ALKBH1: variants seen among roughly 807,000 people sequenced by gnomAD.
ALKBH1 encodes the protein nucleic acid dioxygenase ALKBH1.
A neutral mutation model predicts 36.6 loss-of-function variants in ALKBH1; 31 were observed. That is an observed-to-expected ratio of 0.85 (90% CI 0.64 to 1.14). The LOEUF (loss-of-function observed/expected upper bound fraction) is 1.14, where lower values mean the gene tolerates loss of function less well. Ranked by LOEUF, ALKBH1 falls within the 50% of genes most tolerant of loss-of-function variation. The probability of loss-of-function intolerance (pLI) is 0.00; values close to 1 mark genes in which losing one functional copy is unlikely to be tolerated. For synonymous variants in ALKBH1, 183 were observed against 186.6 expected (o/e 0.98, Z 0.16); for missense variants, 490 against 497.3 (o/e 0.99, Z 0.14).
chr14:77,683,410 T>A, intron 3 of ALKBH1: 1 of 775,284 alleles, frequency 1.3e-6, no homozygotes, highest in Non-Finnish European at 2.3e-6. Context: ...AATGCGCACA[T>A]TAATTCTCTT....
intron 3 of ALKBH1, among the ~76,000 whole-genome samples, chr14:77,680,677 C>CTCTTTTTTTTTTTTTTT (rs774703181): frequency 1.6e-5 from 2 of 124,348 alleles, no homozygotes; most frequent in African/African-American, 3.2e-5. Flanking sequence ...ATTAACTACT[C>CTCTTTTTTTTTTTTTTT]TTTTTTTTTT....
In ALKBH1 at chr14:77,679,793, T is replaced by C. The variant is rs530690876; in HGVS notation, c.546+87A>G. 9.0e-6 allele frequency: 9 copies of C among 1,005,332 alleles called. No individual in the cohort carries two copies. In the Admixed American group the frequency reaches 1.3e-4, roughly 14 times the overall value. The allele number at this position is 1,005,332 out of a possible 1,614,324, so 62.3% of individuals were successfully genotyped here. On this transcript the variant is annotated intron_variant, in intron 4 of 5. Coordinates refer to ENST00000216489, the MANE Select transcript of ALKBH1 (RefSeq NM_006020.3). ...CTCCCACAAATGTATAATCTTGATA[T>C]CTTAAGCGTGGTTAGGAAGAAATAC... is the stretch of plus-strand genomic sequence containing the variant.
rs777778397 is a variant in ALKBH1, at chr14:77,679,865, A to C, written c.546+15T>G. ...CTATAAACAGAAAACAAAAGAATTA[A>C]GAAAACCTGAATACCTTACTGTCCC... On this transcript the variant is annotated intron_variant, in intron 4 of 5. Transcript: ENST00000216489. 12 of 1,606,790 alleles carry C rather than the reference A, an allele frequency of 7.5e-6. No homozygotes were observed. In the South Asian group the frequency reaches 1.3e-4, roughly 18 times the overall value.
At chr14:77,692,665 C>T (rs1458221323) in intron 3 of ALKBH1, among the ~76,000 whole-genome samples, 1 of 152,002 alleles carries the variant, frequency 6.6e-6, no homozygotes, top group Non-Finnish European at 1.5e-5. Flanking sequence ...CACCTCTCCT[C>T]CTTCATGTTT....
At chr14:77,694,380 C>T (rs1223705105) in intron 3 of ALKBH1, among the ~76,000 whole-genome samples, 1 of 152,136 alleles carries the variant, frequency 6.6e-6, no homozygotes, top group East Asian at 1.9e-4. Flanking sequence ...AAGCAAAGAG[C>T]TTTCGATGTT....
At chr14:77,683,165 T>G (rs1313584588) in intron 3 of ALKBH1, 8 of 526,902 alleles carry the variant, frequency 1.5e-5, no homozygotes, top group Non-Finnish European at 2.4e-5. Flanking sequence ...TTTTTTTTTT[T>G]TTTTTTACAA....
At chr14:77,691,880 T>TA (rs1363599159) in intron 3 of ALKBH1, 7 of 152,174 alleles carry the variant, frequency 4.6e-5, no homozygotes, top group African/African-American at 1.4e-4. Flanking sequence ...GGACTAATTT[T>TA]ACTTAACCAC....
intron 4 of ALKBH1, among the ~76,000 whole-genome samples, 198 bp downstream of exon 4, chr14:77,679,682 C>G (rs1305821770): frequency 6.6e-6 from 1 of 152,210 alleles, no homozygotes. Flanking sequence ...CCGCCCACCT[C>G]AGCCTCCCAA....
Position 77,676,555 on chromosome 14 carries a change from A to G in ALKBH1, c.547-706T>C, listed in dbSNP as rs562466308. 2.6e-5 allele frequency among the ~76,000 whole-genome samples: 4 copies of G among 152,350 alleles called. No individual in the cohort carries two copies. The South Asian group carries it at 8.3e-4, about 32-fold the overall frequency. Reference sequence around the variant, plus strand: ...TCCTGGATAAGATCCTGGATATTAGAAAATTAGATATAAGAACAAAGATAT... The same window carrying G: ...TCCTGGATAAGATCCTGGATATTAGGAAATTAGATATAAGAACAAAGATAT... On this transcript the variant is annotated intron_variant, in intron 4 of 5. Coordinates refer to ENST00000216489, the MANE Select transcript of ALKBH1 (RefSeq NM_006020.3).
intron 3 of ALKBH1, among the ~76,000 whole-genome samples, chr14:77,680,275 C>G (rs1595048641): frequency 6.6e-6 from 1 of 152,276 alleles, no homozygotes; most frequent in East Asian, 1.9e-4. Context: ...AGAGAAATGT[C>G]TTTACCTGTC....
chr14:77,702,041 G>A (rs1198842578), intron 2 of ALKBH1, among the ~76,000 whole-genome samples: 1 of 152,218 alleles, frequency 6.6e-6, no homozygotes, highest in African/African-American at 2.4e-5. Context: ...GCTCACGCCT[G>A]TAATCCCAGC....
chr14:77,690,881 A>C (rs1264269319), intron 3 of ALKBH1, among the ~76,000 whole-genome samples: 1 of 151,426 alleles, frequency 6.6e-6, no homozygotes, highest in Non-Finnish European at 1.5e-5. Flanking sequence ...GGCTCACCGC[A>C]ACCTCCGCCT....
At chr14:77,696,035 T>A (rs1460788644) in intron 2 of ALKBH1, among the ~76,000 whole-genome samples, 3 of 152,210 alleles carry the variant, frequency 2.0e-5, no homozygotes, top group African/African-American at 7.2e-5. Context: ...GAGGTTGTAG[T>A]GAGCCAAGAT....
chr14:77,681,348 C>T (rs1469291821), intron 3 of ALKBH1, among the ~76,000 whole-genome samples: 1 of 152,110 alleles, frequency 6.6e-6, no homozygotes, highest in East Asian at 1.9e-4. Flanking sequence ...GGGAGTTGAG[C>T]ACGGCACTGA....
intron 1 of ALKBH1, among the ~76,000 whole-genome samples, chr14:77,705,700 C>T (rs1245294664): frequency 2.0e-5 from 3 of 152,140 alleles, no homozygotes; most frequent in Admixed American, 1.3e-4. Context: ...GAAGTCAAAA[C>T]ATTAAAGGAA....
At chr14:77,691,272 T>C (rs1366212396) in intron 3 of ALKBH1, among the ~76,000 whole-genome samples, 7 of 152,240 alleles carry the variant, frequency 4.6e-5, no homozygotes, top group Admixed American at 3.9e-4. Flanking sequence ...CTTCATTTCC[T>C]ATTTAAAGTT....
intron 1 of ALKBH1, among the ~76,000 whole-genome samples, chr14:77,705,633 G>T (rs977758406): frequency 5.9e-5 from 9 of 152,154 alleles, no homozygotes; most frequent in Admixed American, 5.9e-4. Context: ...TTCTTTGTAT[G>T]TGAGTATCTA....
At chr14:77,702,981 G>A (rs992542103) in intron 2 of ALKBH1, among the ~76,000 whole-genome samples, 5 of 151,956 alleles carry the variant, frequency 3.3e-5, no homozygotes, top group African/African-American at 1.2e-4. Context: ...ATGAAACCCT[G>A]TCTCTACTAA....
chr14:77,692,425 T>C (rs2080302345), intron 3 of ALKBH1, among the ~76,000 whole-genome samples: 1 of 152,166 alleles, frequency 6.6e-6, no homozygotes, highest in South Asian at 2.1e-4. Context: ...ATGAAAACTG[T>C]TCCATCTCAG....
Sources: gnomAD v4.1 joint callset for allele counts (sites outside exome capture counted in the v4.1 genomes callset) on GRCh38, gnomAD v4.1.1 for gene constraint, MANE v1.5 for transcripts, NCBI Gene and HGNC (gene_info 2026-07-23, HGNC 2026-07-21) for gene names.